The following CSMD3 variants were observed in gnomAD, a reference collection of about 807,000 sequenced individuals.
CSMD3 encodes CUB and sushi domain-containing protein 3.
Under a neutral mutation model 435.2 loss-of-function variants are expected in CSMD3, and 177 were observed. The observed-to-expected ratio is 0.41, with a 90% CI of 0.36 to 0.46. The LOEUF is 0.46. Among genes scored for constraint, CSMD3 ranks in the 20% least tolerant of loss-of-function variants. The probability of loss-of-function intolerance (pLI) is 0.34; values close to 1 mark genes in which losing one functional copy is unlikely to be tolerated. For synonymous variants in CSMD3, 1,656 were observed against 1,520.5 expected (o/e 1.09, Z -2.07); for missense variants, 4,265 against 4,504.6 (o/e 0.95, Z 1.52).
chr8:113,024,987 T>C (rs1042211912), intron 5 of CSMD3, among the ~76,000 whole-genome samples: 3 of 151,994 alleles, frequency 2.0e-5, no homozygotes, highest in African/African-American at 7.3e-5. Context: ...GTGTTTGTCT[T>C]TCTGTCTCTG....
chr8:112,598,347 C>A (rs1831962316), intron 22 of CSMD3, among the ~76,000 whole-genome samples: 2 of 151,344 alleles, frequency 1.3e-5, no homozygotes, highest in African/African-American at 4.9e-5. Context: ...AACTACAAAC[C>A]ACTTCTCGAA....
At chr8:112,474,818 G>T (rs555608357) in intron 31 of CSMD3, among the ~76,000 whole-genome samples, 65 of 152,264 alleles carry the variant, frequency 4.3e-4, no homozygotes, top group African/African-American at 1.5e-3. Flanking sequence ...GTTGAGTGAT[G>T]AATATTCTGC....
At position 112,975,948 on chromosome 8, in the gene CSMD3, A is replaced by G. The variant is rs778941835; in HGVS notation, c.1231T>C (p.Ser411Pro). The G allele has an allele frequency of 2.2e-5, 36 of 1,613,844 alleles. No homozygotes were observed. The highest frequency in any genetic ancestry group is 3.1e-5 in the Non-Finnish European group (36 of 1,179,958). Residue 411 changes from serine to proline, a missense_variant, in exon 7 of 71, where the codon TCC becomes CCC. Coordinates refer to ENST00000297405, the MANE Select transcript of CSMD3 (RefSeq NM_198123.2). Reference protein sequence around the residue: ...LRNSGLDPNTSKDGLSPHPAD... With the variant: ...LRNSGLDPNTPKDGLSPHPAD... ...GGATGAGGAGAGAGCCCGTCCTTGG[A>G]CGTGTTGGGGTCCAGACCTGAATTT...
intron 38 of CSMD3, among the ~76,000 whole-genome samples, chr8:112,358,471 C>A (rs1186163978): frequency 6.6e-6 from 1 of 152,110 alleles, no homozygotes; most frequent in African/African-American, 2.4e-5. Context: ...TGTGTCCCCA[C>A]CCACATCTCA....
At chr8:112,524,211 G>T (rs184435274) in intron 27 of CSMD3, among the ~76,000 whole-genome samples, 136 of 151,832 alleles carry the variant, frequency 9.0e-4, no homozygotes, top group African/African-American at 3.1e-3. Flanking sequence ...GGAATCAAAG[G>T]CTTGTTAGGT....
intron 69 of CSMD3, among the ~76,000 whole-genome samples, chr8:112,231,254 T>C (rs1190507741): frequency 6.6e-6 from 1 of 152,242 alleles, no homozygotes; most frequent in East Asian, 1.9e-4. Context: ...ATATTTTCTT[T>C]TTTATCTATA....
chr8:113,328,730 C>CTTTTATTTTTTTT, intron 1 of CSMD3, among the ~76,000 whole-genome samples: 1 of 64,034 alleles, frequency 1.6e-5, no homozygotes, highest in Non-Finnish European at 2.7e-5. Context: ...TTCCTTCCTT[C>CTTTTATTTTTTTT]TTTTCTTTTT....
chr8:112,627,451 T>C (rs1043516407), intron 22 of CSMD3, among the ~76,000 whole-genome samples: 4 of 152,144 alleles, frequency 2.6e-5, no homozygotes, highest in African/African-American at 9.7e-5. Context: ...CATGACCCTC[T>C]GCAACAGAGA....
At position 112,319,122 on chromosome 8, in the gene CSMD3, A is replaced by G. The variant is rs139394864; in HGVS notation, c.7247-172T>C. Among the ~76,000 whole-genome samples the G allele has an allele frequency of 3.9e-5, 6 of 152,246 alleles. No individual in the cohort carries two copies. The East Asian group carries it at 1.2e-3, about 29-fold the overall frequency. Reference sequence around the variant, plus strand: ...CAAAATATTGAAAAACCAGTATATAATACTCATTGACCCATCAGGACTGAA... The same window carrying G: ...CAAAATATTGAAAAACCAGTATATAGTACTCATTGACCCATCAGGACTGAA... On this transcript the variant is annotated intron_variant, in intron 46 of 70. Coordinates refer to ENST00000297405, the MANE Select transcript of CSMD3 (RefSeq NM_198123.2).
chr8:113,125,958 T>A (rs1399441590), intron 4 of CSMD3, among the ~76,000 whole-genome samples: 1 of 151,912 alleles, frequency 6.6e-6, no homozygotes, highest in Non-Finnish European at 1.5e-5. Context: ...AGACATGTAA[T>A]AGGATAGGTA....
intron 3 of CSMD3, among the ~76,000 whole-genome samples, chr8:113,229,935 C>A: frequency 6.6e-6 from 1 of 151,588 alleles, no homozygotes; most frequent in South Asian, 2.1e-4. Flanking sequence ...TTTGTCTAGA[C>A]CCCATACCAC....
intron 49 of CSMD3, among the ~76,000 whole-genome samples, chr8:112,313,617 T>A (rs1223280086): frequency 1.3e-5 from 2 of 152,112 alleles, no homozygotes; most frequent in Non-Finnish European, 2.9e-5. Flanking sequence ...GATTTTTTAG[T>A]CATAAATATC....
intron 9 of CSMD3, among the ~76,000 whole-genome samples, chr8:112,945,508 T>C (rs1018505659): frequency 1.3e-5 from 2 of 151,582 alleles, no homozygotes; most frequent in Admixed American, 6.6e-5. Flanking sequence ...GAGAGACAAA[T>C]TGTTAACTGG....
intron 59 of CSMD3, among the ~76,000 whole-genome samples, chr8:112,279,283 A>C (rs891775641): frequency 6.6e-6 from 1 of 152,180 alleles, no homozygotes; most frequent in African/African-American, 2.4e-5. Flanking sequence ...TTACAGTTAT[A>C]TGAGGAGATA....
intron 41 of CSMD3, among the ~76,000 whole-genome samples, chr8:112,342,970 A>ATTATATATATATATTTATATATATATAT (rs1563815181): frequency 0.013 from 1,119 of 86,934 alleles, 17 homozygotes; most frequent in African/African-American, 0.039. Context: ...CTTGAAATGT[A>ATTATATATATATATTTATATATATATAT]TTATATATAT....
intron 19 of CSMD3, among the ~76,000 whole-genome samples, chr8:112,645,805 T>C (rs1045254630): frequency 2.0e-5 from 3 of 152,210 alleles, no homozygotes; most frequent in African/African-American, 7.2e-5. Flanking sequence ...GATATTCATT[T>C]CTTTGAGAAC....
At chr8:113,281,119 T>C (rs2093610174) in intron 2 of CSMD3, among the ~76,000 whole-genome samples, 1 of 151,808 alleles carries the variant, frequency 6.6e-6, no homozygotes, top group South Asian at 2.1e-4. Flanking sequence ...GTTTCATGCA[T>C]TGTTTAATAG....
rs866568290 is a variant in CSMD3, at chr8:112,598,713, C to T, written c.3716-11478G>A. Among the ~76,000 whole-genome samples the T allele has an allele frequency of 4.1e-3, 543 of 130,958 alleles. 1 individual carries two copies. Among genetic ancestry groups the T allele is most frequent in the African/African-American group, 0.013 (460 of 35,572 alleles). The allele number at this position is 130,958 out of a possible 152,430, so 85.9% of individuals were successfully genotyped here. On this transcript the variant is annotated intron_variant, in intron 22 of 70. Coordinates refer to ENST00000297405, the MANE Select transcript of CSMD3 (RefSeq NM_198123.2). Reference sequence around the variant, plus strand: ...AGAACAGAGCCCTCAGAAATAATGCCGCATATCTACAACTATCTGATCTTT... The same window carrying T: ...AGAACAGAGCCCTCAGAAATAATGCTGCATATCTACAACTATCTGATCTTT...
intron 7 of CSMD3, among the ~76,000 whole-genome samples, chr8:112,965,953 C>G (rs1234765080): frequency 6.6e-6 from 1 of 151,680 alleles, no homozygotes; most frequent in Non-Finnish European, 1.5e-5. Context: ...CATTTCTGAA[C>G]ATGAATTATT....
Sources: gnomAD v4.1 joint callset for allele counts (sites outside exome capture counted in the v4.1 genomes callset) on GRCh38, gnomAD v4.1.1 for gene constraint, MANE v1.5 for transcripts, NCBI Gene and HGNC (gene_info 2026-07-23, HGNC 2026-07-21) for gene names.